The following DLG2 variants were observed in gnomAD, a reference collection of about 807,000 sequenced individuals.
The protein encoded by DLG2 is disks large homolog 2.
In DLG2, 45 loss-of-function variants were observed where a neutral mutation model predicts 132.5. The ratio of observed to expected loss-of-function variants is 0.34; its 90% confidence interval spans 0.27 to 0.44. The LOEUF (loss-of-function observed/expected upper bound fraction) is 0.44. DLG2 is among the 20% of genes least tolerant of loss of function. The pLI is 1.00. For missense variants in DLG2, 1,045 were observed against 1,196.9 expected (o/e 0.87, Z 1.87); for synonymous variants, 424 against 419.6 (o/e 1.01, Z -0.13).
rs543362040 is a variant in DLG2, at chr11:84,218,831, A to G, written c.573+32407T>C. On this transcript the variant is annotated intron_variant, in intron 8 of 27. Transcript: ENST00000376104. ...TGAGTAGAGGCCAGGGAAGCTGCTA[A>G]ACATTCTACAGTGCATAGAACAGCT... Among the ~76,000 whole-genome samples, 11 of 152,348 alleles carry G rather than the reference A, an allele frequency of 7.2e-5. No individual in the cohort carries two copies. In the South Asian group the frequency reaches 1.9e-3, roughly 26 times the overall value.
chr11:85,174,648 A>G (rs2079096365), intron 4 of DLG2, among the ~76,000 whole-genome samples: 1 of 152,074 alleles, frequency 6.6e-6, no homozygotes, highest in South Asian at 2.1e-4. Context: ...GACATGAAAA[A>G]CCCTTCAAAA....
At chr11:83,592,656 A>G (rs929697608) in intron 19 of DLG2, among the ~76,000 whole-genome samples, 75 of 150,318 alleles carry the variant, frequency 5.0e-4, no homozygotes, top group African/African-American at 1.7e-3. Context: ...ATCTAATTAA[A>G]CTAAAGAGCT....
At chr11:84,413,478 G>C (rs2098917155) in intron 7 of DLG2, among the ~76,000 whole-genome samples, 2 of 152,194 alleles carry the variant, frequency 1.3e-5, no homozygotes, top group Admixed American at 1.3e-4. Flanking sequence ...CAACACTTTT[G>C]TGGTAGCACA....
At chr11:83,721,207 A>G (rs898271205) in intron 18 of DLG2, among the ~76,000 whole-genome samples, 1 of 152,222 alleles carries the variant, frequency 6.6e-6, no homozygotes, top group African/African-American at 2.4e-5. Flanking sequence ...ATAAGACTGC[A>G]AACCAGATCA....
At chr11:85,126,816 C>A (rs1023383858) in intron 5 of DLG2, among the ~76,000 whole-genome samples, 4 of 152,194 alleles carry the variant, frequency 2.6e-5, no homozygotes, top group Non-Finnish European at 5.9e-5. Context: ...ATATCCTAAG[C>A]ATTTTATAGT....
At chr11:85,158,984 G>A (rs901709436) in intron 4 of DLG2, among the ~76,000 whole-genome samples, 5 of 152,240 alleles carry the variant, frequency 3.3e-5, no homozygotes, top group East Asian at 1.9e-4. Context: ...TTGAATGAAG[G>A]GGAGACCAGG....
chr11:83,473,781 A>C (rs548252814), intron 22 of DLG2, among the ~76,000 whole-genome samples: 3 of 152,234 alleles, frequency 2.0e-5, no homozygotes, highest in African/African-American at 7.2e-5. Flanking sequence ...GCACATTCAT[A>C]GTCTATCAAT....
At chr11:84,066,827 C>A (rs2096681331) in intron 10 of DLG2, among the ~76,000 whole-genome samples, 1 of 152,072 alleles carries the variant, frequency 6.6e-6, no homozygotes, top group Non-Finnish European at 1.5e-5. Context: ...TTTGCAGCAG[C>A]TGTTGGTTAT....
intron 4 of DLG2, among the ~76,000 whole-genome samples, chr11:85,239,552 T>C (rs1489155275): frequency 6.6e-6 from 1 of 152,048 alleles, no homozygotes; most frequent in East Asian, 1.9e-4. Context: ...TACATTTATT[T>C]TTTAAAATGT....
At chr11:83,555,209 A>C in intron 19 of DLG2, among the ~76,000 whole-genome samples, 1 of 152,230 alleles carries the variant, frequency 6.6e-6, no homozygotes, top group South Asian at 2.1e-4. Flanking sequence ...AAAGAAGATC[A>C]ATGTCTGGGA....
intron 7 of DLG2, among the ~76,000 whole-genome samples, chr11:84,477,454 C>T (rs533455828): frequency 3.3e-3 from 502 of 152,122 alleles, no homozygotes; most frequent in Non-Finnish European, 5.6e-3. Flanking sequence ...AATTTTGTGT[C>T]ATTGTACTCC....
At chr11:85,308,744 C>A (rs1353661243) in intron 3 of DLG2, among the ~76,000 whole-genome samples, 4 of 152,032 alleles carry the variant, frequency 2.6e-5, no homozygotes, top group African/African-American at 9.7e-5. Flanking sequence ...AACTAATATG[C>A]AAAATTATTT....
At chr11:85,345,172 G>C (rs2082745924) in intron 3 of DLG2, among the ~76,000 whole-genome samples, 1 of 152,062 alleles carries the variant, frequency 6.6e-6, no homozygotes, top group African/African-American at 2.4e-5. Flanking sequence ...CTTCATTCTT[G>C]TTATAAATCA....
At chr11:85,042,664 A>G (rs2061979556) in intron 6 of DLG2, among the ~76,000 whole-genome samples, 1 of 151,958 alleles carries the variant, frequency 6.6e-6, no homozygotes, top group Non-Finnish European at 1.5e-5. Flanking sequence ...TTCTTAATAA[A>G]TAAGTTGGGG....
intron 6 of DLG2, among the ~76,000 whole-genome samples, chr11:84,827,991 T>A (rs1268012725): frequency 6.6e-6 from 1 of 151,838 alleles, no homozygotes; most frequent in Admixed American, 6.6e-5. Flanking sequence ...ATGCCATGTG[T>A]ATGCTCTTAT....
At chr11:84,562,475 T>C (rs2099430445) in intron 6 of DLG2, among the ~76,000 whole-genome samples, 1 of 152,320 alleles carries the variant, frequency 6.6e-6, no homozygotes, top group East Asian at 1.9e-4. Flanking sequence ...CTTGACATTT[T>C]ATCTCTAAAT....
intron 17 of DLG2, among the ~76,000 whole-genome samples, chr11:83,816,397 C>T (rs1019488107): frequency 6.6e-6 from 1 of 152,086 alleles, no homozygotes; most frequent in Non-Finnish European, 1.5e-5. Context: ...TTTTGTATGC[C>T]TGGTAAATGT....
intron 18 of DLG2, among the ~76,000 whole-genome samples, chr11:83,758,800 C>G (rs1305685115): frequency 6.6e-6 from 1 of 152,136 alleles, no homozygotes. Context: ...TTGATTATAT[C>G]ACCCTCCTCT....
rs376679516 is a variant in DLG2 at position 83,545,845 on chromosome 11, A to G, written c.1941-3987T>C. On this transcript the variant is annotated intron_variant, in intron 19 of 27. Transcript: ENST00000376104. ...TAAAACCAAGCAGCTGACACATTTC[A>G]GCAGCTTCTGGCTCCTTTGGATATT... is the stretch of plus-strand genomic sequence containing the variant. 2.4e-3 allele frequency among the ~76,000 whole-genome samples: 371 copies of G among 152,282 alleles called. 1 individual carries two copies. Among genetic ancestry groups the G allele is most frequent in the African/African-American group, 8.4e-3 (348 of 41,564 alleles).
Sources: gnomAD v4.1 joint callset for allele counts (sites outside exome capture counted in the v4.1 genomes callset) on GRCh38, gnomAD v4.1.1 for gene constraint, MANE v1.5 for transcripts, NCBI Gene and HGNC (gene_info 2026-07-23, HGNC 2026-07-21) for gene names.